Variants in KRABD2 observed in about 807,000 individuals in gnomAD.
KRABD2 encodes KRAB domain-containing protein 2.
the KRABD2 span, chr17:8,369,433 C>A: frequency 6.2e-7 from 1 of 1,614,188 alleles, no homozygotes; most frequent in Non-Finnish European, 8.5e-7. Context: ...TGATTCCTCA[C>A]CATCTGCATG....
At chr17:8,365,423 G>A in the KRABD2 span, 1 of 152,234 alleles carries the variant, frequency 6.6e-6, no homozygotes, top group African/African-American at 2.4e-5. Flanking sequence ...TACAAAGAAA[G>A]ACAATGGGTT....
the KRABD2 span, among the ~76,000 whole-genome samples, chr17:8,360,713 C>T: frequency 6.6e-6 from 1 of 152,012 alleles, no homozygotes; most frequent in Non-Finnish European, 1.5e-5. Context: ...TATAAAGCTT[C>T]CACAAAACAA....
chr17:8,376,590 G>C, the KRABD2 span: 151 of 986,236 alleles, frequency 1.5e-4, 1 homozygote, highest in East Asian at 9.6e-3. Context: ...CGGCTGAGGC[G>C]GGCGCGCGGT....
At chr17:8,373,118 G>GTCTCCACGGTCTCCC in the KRABD2 span, among the ~76,000 whole-genome samples, 1 of 150,040 alleles carries the variant, frequency 6.7e-6, no homozygotes. Context: ...CTCCATCTCC[G>GTCTCCACGGTCTCCC]TCTCCACGGT....
chr17:8,368,888 T>C, the KRABD2 span: 326,425 of 500,404 alleles, frequency 0.65, 108,899 homozygotes, highest in African/African-American at 0.73. Flanking sequence ...CCGCCCACCT[T>C]GGCCTACCAA....
the KRABD2 span, among the ~76,000 whole-genome samples, chr17:8,372,474 C>A: frequency 6.6e-6 from 1 of 152,150 alleles, no homozygotes; most frequent in Non-Finnish European, 1.5e-5. This position sits in a 1 kb window ranked among gnomAD's most constrained non-coding sequence, Gnocchi z 4.1. Flanking sequence ...CTCAGCCTCC[C>A]AAAGTGAGGT....
At chr17:8,368,927 C>A in the KRABD2 span, 2 of 836,284 alleles carry the variant, frequency 2.4e-6, no homozygotes, top group Admixed American at 3.5e-5. Context: ...ATGAGCGCTG[C>A]GCCCGGCCAG....
the KRABD2 span, among the ~76,000 whole-genome samples, chr17:8,363,552 T>G: frequency 6.6e-6 from 1 of 151,914 alleles, no homozygotes; most frequent in South Asian, 2.1e-4. Context: ...TTCGCCATTT[T>G]GGCCGGGTTG....
chr17:8,362,708 C>T, the KRABD2 span, among the ~76,000 whole-genome samples: 1 of 152,176 alleles, frequency 6.6e-6, no homozygotes, highest in South Asian at 2.1e-4. The surrounding 1 kb of genome is among the most constrained non-coding windows in gnomAD (Gnocchi z 4.2). Flanking sequence ...AGATGGCTCA[C>T]TCACATGGTT....
the KRABD2 span, among the ~76,000 whole-genome samples, chr17:8,360,704 A>G: frequency 6.6e-6 from 1 of 152,208 alleles, no homozygotes; most frequent in Admixed American, 6.5e-5. Flanking sequence ...ATCAATTTCT[A>G]TAAAGCTTCC....
At chr17:8,367,725 G>A in the KRABD2 span, among the ~76,000 whole-genome samples, 2 of 151,340 alleles carry the variant, frequency 1.3e-5, no homozygotes, top group East Asian at 1.9e-4. Flanking sequence ...AGGACCCTGC[G>A]GCCTTCCGCA....
the KRABD2 span, among the ~76,000 whole-genome samples, chr17:8,363,344 G>C: frequency 1.2e-4 from 19 of 152,024 alleles, no homozygotes; most frequent in African/African-American, 4.3e-4. Context: ...AATCATAACA[G>C]ATTTTTAGAA....
chr17:8,372,535 G>C, the KRABD2 span, among the ~76,000 whole-genome samples: 5,078 of 152,174 alleles, frequency 0.033, 278 homozygotes, highest in African/African-American at 0.11. The surrounding 1 kb of genome is among the most constrained non-coding windows in gnomAD (Gnocchi z 4.1). Context: ...CAAGTGATCT[G>C]CTCGTTTTGG....
chr17:8,360,966 G>C, the KRABD2 span, among the ~76,000 whole-genome samples: 1 of 152,084 alleles, frequency 6.6e-6, no homozygotes, highest in Non-Finnish European at 1.5e-5. Flanking sequence ...GAGCTTCTCG[G>C]TTGCCTCCCC....
chr17:8,363,849 ATATATATATATATTTATTTATT>A, the KRABD2 span, among the ~76,000 whole-genome samples: 52 of 88,636 alleles, frequency 5.9e-4, 3 homozygotes, highest in East Asian at 2.6e-3. Context: ...ATATATATAT[ATATATATATATATTTATTTATT>A]TATTTATTTA....
chr17:8,369,414 T>C, the KRABD2 span: 2 of 1,614,122 alleles, frequency 1.2e-6, no homozygotes, highest in Admixed American at 1.7e-5. Flanking sequence ...CAAGGAAACG[T>C]CGAAAGCCTG....
the KRABD2 span, chr17:8,371,366 G>A: frequency 6.2e-7 from 1 of 1,614,138 alleles, no homozygotes. Context: ...CAATCCTTTT[G>A]AGAGCCTTCT....
At chr17:8,376,144 C>T in the KRABD2 span, 23 of 1,231,558 alleles carry the variant, frequency 1.9e-5, no homozygotes, top group Non-Finnish European at 2.2e-5. Flanking sequence ...GCCTGTACCC[C>T]CTTTGGAGGG....
the KRABD2 span, chr17:8,368,958 C>G: frequency 9.0e-7 from 1 of 1,113,268 alleles, no homozygotes; most frequent in Admixed American, 3.4e-5. Flanking sequence ...TTTTTTATGG[C>G]AGCCCTAAGA....
Sources: allele counts gnomAD v4.1 joint callset (sites outside exome capture counted in the v4.1 genomes callset), GRCh38; gene constraint gnomAD v4.1.1; non-coding constraint Gnocchi (gnomAD v3.1); transcripts MANE v1.5; gene names NCBI Gene and HGNC (gene_info 2026-07-23, HGNC 2026-07-21).